FLYWCH1: variants seen among roughly 807,000 people sequenced by gnomAD.
FLYWCH1 encodes FLYWCH-type zinc finger-containing protein 1.
In FLYWCH1, 75 loss-of-function variants were observed where a neutral mutation model predicts 66.4. The ratio of observed to expected loss-of-function variants is 1.13; its 90% confidence interval spans 0.94 to 1.37. The LOEUF is 1.37. Among genes scored for constraint, FLYWCH1 ranks in the 40% most tolerant of loss-of-function variants. FLYWCH1 has a pLI of 0.00. For synonymous variants in FLYWCH1, 595 were observed against 429.9 expected, an observed-to-expected ratio of 1.38 and a Z score of -4.75; for missense variants, 1,334 against 1,001.8, an observed-to-expected ratio of 1.33 and a Z score of -4.48.
rs200663480 is a variant in FLYWCH1 at position 2,933,854 on chromosome 16, G to A, written c.1388G>A (p.Arg463His). 249 of 1,606,612 alleles carry A rather than the reference G, an allele frequency of 1.5e-4. No individual in the cohort carries two copies. The highest frequency in any genetic ancestry group is 4.8e-4 in the Admixed American group (28 of 58,728). ...CAGGCCCGCATGGGCTGCCGCAGCC[G>A]CGCCATCACCCAGGGCCGACGGGTG... ...RDQARMGCRS[R>H]AITQGRRVTV... is the part of the protein sequence containing the mutation. Residue 463 changes from arginine to histidine, a missense_variant, in exon 6 of 10, where the codon CGC (arginine) becomes CAC (histidine). Coordinates refer to ENST00000253928, the MANE Select transcript of FLYWCH1 (RefSeq NM_001308068.2).
At chr16:2,944,415 C>G (rs1208205874) in intron 9 of FLYWCH1, among the ~76,000 whole-genome samples, 1 of 150,092 alleles carries the variant, frequency 6.7e-6, no homozygotes, top group Admixed American at 6.7e-5. Flanking sequence ...AAAAAAAGAT[C>G]ACATACAATT....
At position 2,937,451 on chromosome 16, in the gene FLYWCH1, G is replaced by A. The variant is rs954933886; in HGVS notation, c.1777+67G>A. ...AGGACCTGTGCCCCACACGCTGGCT[G>A]GAGGCTGCCCGTGGGGTGTTGTGTG... is the stretch of plus-strand genomic sequence containing the variant. On this transcript the variant is annotated intron_variant, in intron 7 of 9. Transcript: ENST00000253928. 2.1e-6 allele frequency: 3 copies of A among 1,461,218 alleles called. No homozygotes were observed. In the East Asian group the frequency reaches 7.2e-5, roughly 35 times the overall value. The allele number at this position is 1,461,218 out of a possible 1,614,324, so 90.5% of individuals were successfully genotyped here.
chr16:2,947,763 CA>C (rs552849157), intron 9 of FLYWCH1, among the ~76,000 whole-genome samples: 16,270 of 126,190 alleles, frequency 0.13, 975 homozygotes, highest in African/African-American at 0.18. Context: ...ACTCTTATCT[CA>C]AAAAAAAAAA....
At chr16:2,923,647 A>T (rs2070456230) in intron 2 of FLYWCH1, among the ~76,000 whole-genome samples, 1 of 152,102 alleles carries the variant, frequency 6.6e-6, no homozygotes, top group Non-Finnish European at 1.5e-5. Context: ...CATCTGGGGG[A>T]TGTGGTGTTT....
intron 8 of FLYWCH1, 191 bp from the exon 9 acceptor site, chr16:2,939,841 A>ACT (rs1412690503): frequency 1.8e-6 from 1 of 554,684 alleles, no homozygotes; most frequent in Non-Finnish European, 3.1e-6. Flanking sequence ...CTGAAGGTCA[A>ACT]CTCTTAGGAG....
At chr16:2,927,886 C>A (rs1412978008) in intron 2 of FLYWCH1, among the ~76,000 whole-genome samples, 3 of 152,232 alleles carry the variant, frequency 2.0e-5, no homozygotes, top group African/African-American at 7.2e-5. Flanking sequence ...CGCACTGGCG[C>A]TGGTCTCTGA....
At chr16:2,918,639 C>G (rs1332216737) in intron 2 of FLYWCH1, among the ~76,000 whole-genome samples, 2 of 151,846 alleles carry the variant, frequency 1.3e-5, no homozygotes, top group African/African-American at 4.8e-5. Context: ...CGGGGTTTCT[C>G]CATTTTAGTC....
At chr16:2,920,508 T>C (rs1596356853) in intron 2 of FLYWCH1, among the ~76,000 whole-genome samples, 1 of 126,776 alleles carries the variant, frequency 7.9e-6, no homozygotes, top group South Asian at 2.7e-4. Context: ...TGAGACTCTG[T>C]CTTAAAAAAA....
intron 6 of FLYWCH1, chr16:2,934,753 T>G (rs1174676402): frequency 6.8e-6 from 3 of 439,024 alleles, no homozygotes; most frequent in African/African-American, 2.0e-5. Flanking sequence ...AGAGAGACAG[T>G]GCTGCGAGGT....
chr16:2,942,848 C>A (rs957568203), intron 9 of FLYWCH1, among the ~76,000 whole-genome samples: 1 of 148,180 alleles, frequency 6.7e-6, no homozygotes, highest in Non-Finnish European at 1.5e-5. Flanking sequence ...ATTAGAAGTG[C>A]GCACCACCAC....
In FLYWCH1 at chr16:2,941,248, T is replaced by TTTGAAACCAGTTGG. The variant is rs1465409519; in HGVS notation, c.2111+1157_2111+1170dup. On this transcript the variant is annotated intron_variant, in intron 9 of 9. Coordinates refer to ENST00000253928, the MANE Select transcript of FLYWCH1 (RefSeq NM_001308068.2). ...CAGGAGGATCACTTGAGCCCAGGAG[T>TTTGAAACCAGTTGG]TTGAAACCAGTTGGGGCAACAGAGC... Among the ~76,000 whole-genome samples, 20 of 151,562 alleles carry TTTGAAACCAGTTGG rather than the reference T, an allele frequency of 1.3e-4. No individual in the cohort carries two copies. The East Asian group carries it at 3.7e-3, about 28-fold the overall frequency.
At chr16:2,948,327 G>C (rs930642820) in intron 9 of FLYWCH1, among the ~76,000 whole-genome samples, 2 of 152,116 alleles carry the variant, frequency 1.3e-5, no homozygotes, top group African/African-American at 4.8e-5. Context: ...GGTAGGCGGA[G>C]GTGGGTGGAT....
intron 9 of FLYWCH1, among the ~76,000 whole-genome samples, chr16:2,943,088 A>G (rs965700319): frequency 1.3e-5 from 2 of 152,092 alleles, no homozygotes; most frequent in African/African-American, 4.8e-5. Flanking sequence ...TTCTATACAA[A>G]TCATGTGATA....
rs900957779 is a variant in FLYWCH1 at position 2,949,862 on chromosome 16, C to T, written c.*1135C>T. On this transcript the variant is annotated 3_prime_UTR_variant, in exon 10 of 10. Transcript: ENST00000253928. ...CATCCCTCTTGCAGCAACAGTTGGC[C>T]GCCGTGAAACCACACTCCGTCACAT... The T allele has an allele frequency of 1.4e-4, 21 of 152,050 alleles. No homozygotes were observed. The highest frequency in any genetic ancestry group is 4.1e-4 in the South Asian group (2 of 4,820). 9.4% of individuals were successfully genotyped at this position (152,050 alleles called of 1,614,324 possible).
In FLYWCH1 at chr16:2,949,483, G is replaced by A. The variant is rs1186010154; in HGVS notation, c.*756G>A. 1.3e-5 allele frequency: 2 copies of A among 152,162 alleles called. No homozygotes were observed. Among genetic ancestry groups the A allele is most frequent in the Non-Finnish European group, 2.9e-5 (2 of 68,086 alleles). 9.4% of individuals were successfully genotyped at this position (152,162 alleles called of 1,614,324 possible). The stretch of plus-strand genomic sequence containing the variant: ...GGCTGAGGCCAGCGGCATCCTGGGT[G>A]GCCCAGGTCCATCCTGGGCAGCAAA... On this transcript the variant is annotated 3_prime_UTR_variant, in exon 10 of 10. Transcript: ENST00000253928.
chr16:2,918,515 A>ACT (rs2070254622), intron 2 of FLYWCH1, among the ~76,000 whole-genome samples: 1 of 149,678 alleles, frequency 6.7e-6, no homozygotes, highest in African/African-American at 2.5e-5. Context: ...ATCTTGGCTC[A>ACT]CTGCAACCTC....
chr16:2,946,230 G>T (rs894191582), intron 9 of FLYWCH1, among the ~76,000 whole-genome samples: 1 of 151,728 alleles, frequency 6.6e-6, no homozygotes, highest in African/African-American at 2.4e-5. Context: ...TAATGCTTTA[G>T]GCCTCCACGT....
chr16:2,929,519 G>A, intron 2 of FLYWCH1, 94 bp from the exon 3 acceptor site: 1 of 862,962 alleles, frequency 1.2e-6, no homozygotes, highest in Non-Finnish European at 1.7e-6. Flanking sequence ...AGCGAGCAGT[G>A]AGGCAGCCCC....
intron 8 of FLYWCH1, chr16:2,939,658 G>C (rs897795734): frequency 3.3e-4 from 73 of 224,324 alleles, no homozygotes; most frequent in African/African-American, 1.7e-3. Context: ...AGTGAGCCAT[G>C]CACTGCAGTC....
Sources: allele counts gnomAD v4.1 joint callset (sites outside exome capture counted in the v4.1 genomes callset), GRCh38; gene constraint gnomAD v4.1.1; transcripts MANE v1.5; gene names NCBI Gene and HGNC (gene_info 2026-07-23, HGNC 2026-07-21).